BMPR2: variants seen among roughly 807,000 people sequenced by gnomAD.
BMPR2 encodes the protein bone morphogenetic protein receptor type-2.
In BMPR2, 29 loss-of-function variants were observed where a neutral mutation model predicts 100.8. The observed-to-expected ratio is 0.29, with a 90% CI of 0.21 to 0.39. The LOEUF (loss-of-function observed/expected upper bound fraction) is 0.39, where lower values mean the gene tolerates loss of function less well. Among genes scored for constraint, BMPR2 ranks in the 10% least tolerant of loss-of-function variants. The probability of loss-of-function intolerance (pLI) is 1.00; values close to 1 mark genes in which losing one functional copy is unlikely to be tolerated. For missense variants in BMPR2, 1,011 were observed against 1,274.5 expected (o/e 0.79, Z 3.15); for synonymous variants, 382 against 442.3 (o/e 0.86, Z 1.71).
chr2:202,548,086 A>G (rs1269231389), intron 10 of BMPR2, among the ~76,000 whole-genome samples: 4 of 68 alleles, frequency 0.059, no homozygotes, highest in Non-Finnish European at 0.079. Flanking sequence ...TTCCATCTTA[A>G]AAAAAAAAAA....
chr2:202,504,091 G>A (rs1687465144), intron 3 of BMPR2, among the ~76,000 whole-genome samples: 1 of 152,072 alleles, frequency 6.6e-6, no homozygotes. Flanking sequence ...CTCAGGGATT[G>A]TAAACGCACC....
In BMPR2 at chr2:202,434,057, C is replaced by T. The variant is rs1249887229; in HGVS notation, c.77-30752C>T. Reference sequence around the variant, plus strand: ...TAACAGCAAAAACAATAGCGAACATCACAGACATCTCAAGTGATTCAGCTT... The same window carrying T: ...TAACAGCAAAAACAATAGCGAACATTACAGACATCTCAAGTGATTCAGCTT... On this transcript the variant is annotated intron_variant, in intron 1 of 12. Coordinates refer to ENST00000374580, the MANE Select transcript of BMPR2 (RefSeq NM_001204.7). 1.3e-5 allele frequency among the ~76,000 whole-genome samples: 2 copies of T among 150,544 alleles called. 1 individual carries two copies. Among genetic ancestry groups the T allele is most frequent in the African/African-American group, 5.0e-5 (2 of 39,872 alleles).
intron 1 of BMPR2, among the ~76,000 whole-genome samples, chr2:202,426,125 C>T (rs1691377761): frequency 6.6e-6 from 1 of 152,182 alleles, no homozygotes; most frequent in African/African-American, 2.4e-5. Context: ...GATGGTCTTA[C>T]ATTAGCAATT....
At position 202,416,582 on chromosome 2, in the gene BMPR2, C is replaced by T. The variant is rs536454303; in HGVS notation, c.76+39032C>T. On this transcript the variant is annotated intron_variant, in intron 1 of 12. Transcript: ENST00000374580. ...CTGGGACTACAGGCACGTGCCACCA[C>T]GCCCAGCTAATTTTTGTATTTTTAG... is the stretch of plus-strand genomic sequence containing the variant. Among the ~76,000 whole-genome samples the T allele has an allele frequency of 2.8e-3, 425 of 151,698 alleles. 2 individuals are homozygous for T. The highest frequency in any genetic ancestry group is 0.014 in the South Asian group (65 of 4,798).
At chr2:202,463,949 C>T (rs905607303) in intron 1 of BMPR2, among the ~76,000 whole-genome samples, 2 of 152,042 alleles carry the variant, frequency 1.3e-5, no homozygotes, top group Middle Eastern at 3.4e-3. Context: ...CATCTGAAGT[C>T]GAGAGTTCGG....
At chr2:202,523,856 C>T (rs1477563965) in intron 7 of BMPR2, among the ~76,000 whole-genome samples, 1 of 152,136 alleles carries the variant, frequency 6.6e-6, no homozygotes, top group East Asian at 1.9e-4. Flanking sequence ...TCGAGTACTA[C>T]ACAGCCATAA....
chr2:202,524,534 C>T (rs1166223301), intron 7 of BMPR2, among the ~76,000 whole-genome samples: 1 of 152,168 alleles, frequency 6.6e-6, no homozygotes, highest in South Asian at 2.1e-4. Flanking sequence ...ACCTGAAATC[C>T]CAACACTTTG....
chr2:202,522,013 G>A (rs1456213436), intron 7 of BMPR2, among the ~76,000 whole-genome samples: 1 of 151,958 alleles, frequency 6.6e-6, no homozygotes, highest in African/African-American at 2.4e-5. Flanking sequence ...AAAAAAGTTA[G>A]CCAGATGTGG....
intron 1 of BMPR2, among the ~76,000 whole-genome samples, chr2:202,439,870 G>A (rs992916617): frequency 2.0e-5 from 3 of 149,808 alleles, no homozygotes; most frequent in Non-Finnish European, 2.9e-5. Context: ...AAGGGTCTCT[G>A]GTTTTCCTAG....
intron 1 of BMPR2, among the ~76,000 whole-genome samples, chr2:202,423,458 CTT>C (rs1691312191): frequency 6.6e-6 from 1 of 152,110 alleles, no homozygotes; most frequent in African/African-American, 2.4e-5. Context: ...GTGTTAAAAA[CTT>C]TTTTCATTGG....
intron 1 of BMPR2, among the ~76,000 whole-genome samples, chr2:202,410,794 T>C (rs1165388450): frequency 6.6e-6 from 1 of 152,114 alleles, no homozygotes; most frequent in Non-Finnish European, 1.5e-5. Context: ...TTAGCCAGGA[T>C]GGTCTCAATC....
At chr2:202,504,292 A>G (rs1391233456) in intron 3 of BMPR2, among the ~76,000 whole-genome samples, 1 of 152,142 alleles carries the variant, frequency 6.6e-6, no homozygotes, top group Non-Finnish European at 1.5e-5. Context: ...CTTTGGGTCC[A>G]TACTGTTTTT....
chr2:202,377,473 G>A lies in BMPR2; in HGVS notation c.-2G>A, dbSNP rs1208229202. ...CCCTCCTGATTCTTGGCTGGCCCAG[G>A]GATGACTTCCTCGCTGCAGCGGCCC... On this transcript the variant is annotated 5_prime_UTR_variant, in exon 1 of 13. Transcript: ENST00000374580. The A allele has an allele frequency of 9.3e-6, 15 of 1,614,108 alleles. No homozygotes were observed. The highest frequency in any genetic ancestry group is 5.3e-5 in the African/African-American group (4 of 74,938).
chr2:202,498,723 G>T (rs909019768), intron 3 of BMPR2, among the ~76,000 whole-genome samples: 1 of 151,986 alleles, frequency 6.6e-6, no homozygotes, highest in Non-Finnish European at 1.5e-5. Context: ...AAAAAGAGGC[G>T]GCTCATTTTT....
intron 12 of BMPR2, among the ~76,000 whole-genome samples, chr2:202,557,473 A>G (rs1469490493): frequency 2.0e-5 from 2 of 97,654 alleles, no homozygotes; most frequent in Admixed American, 2.4e-4. Context: ...AAACACACAC[A>G]CACACACACA....
chr2:202,409,654 T>A (rs1392230867), intron 1 of BMPR2, among the ~76,000 whole-genome samples: 1 of 152,128 alleles, frequency 6.6e-6, no homozygotes, highest in Non-Finnish European at 1.5e-5. Context: ...CAAAAAGGTA[T>A]ATAAACAATA....
rs572233262 is a variant in BMPR2 at position 202,422,616 on chromosome 2, T to G, written c.77-42193T>G. ...CCATCGTGCCCGGCCATAAAGTTTT[T>G]TAAGTTAGCCATTTCCAGTGTCTGA... is the stretch of plus-strand genomic sequence containing the variant. On this transcript the variant is annotated intron_variant, in intron 1 of 12. Transcript: ENST00000374580. Among the ~76,000 whole-genome samples, 50 of 152,120 alleles carry G rather than the reference T, an allele frequency of 3.3e-4. No individual in the cohort carries two copies. In the Middle Eastern group the frequency reaches 0.01, roughly 31 times the overall value.
intron 7 of BMPR2, among the ~76,000 whole-genome samples, chr2:202,527,882 C>G (rs1013639870): frequency 6.6e-6 from 1 of 152,040 alleles, no homozygotes; most frequent in Non-Finnish European, 1.5e-5. Flanking sequence ...GATTACATCC[C>G]AATGAACTGA....
intron 3 of BMPR2, among the ~76,000 whole-genome samples, chr2:202,494,495 C>G (rs1692976033): frequency 6.6e-6 from 1 of 152,212 alleles, no homozygotes; most frequent in Non-Finnish European, 1.5e-5. Context: ...ACAGAAACAT[C>G]CCAGGCTCCA....
Sources: gnomAD v4.1 joint callset for allele counts (sites outside exome capture counted in the v4.1 genomes callset) on GRCh38, gnomAD v4.1.1 for gene constraint, MANE v1.5 for transcripts, NCBI Gene and HGNC (gene_info 2026-07-23, HGNC 2026-07-21) for gene names.